PLB1: variants seen among roughly 807,000 people sequenced by gnomAD.
The protein encoded by PLB1 is phospholipase B1, membrane-associated.
PLB1 carries 242 observed loss-of-function variants against 227.4 expected under a neutral mutation model. The ratio of observed to expected loss-of-function variants is 1.06; its 90% CI spans 0.96 to 1.18. The LOEUF (loss-of-function observed/expected upper bound fraction) is 1.18, where lower values mean the gene tolerates loss of function less well. Among genes scored for constraint, PLB1 ranks in the 50% most tolerant of loss-of-function variants. The pLI is 0.00. For missense variants in PLB1, 1,858 were observed against 1,816.3 expected (o/e 1.02, Z -0.42); for synonymous variants, 757 against 682.2 (o/e 1.11, Z -1.71).
chr2:28,552,819 A>G (rs1048991056), intron 16 of PLB1, 109 bp from the exon 17 acceptor site: 1 of 862,044 alleles, frequency 1.2e-6, no homozygotes, highest in African/African-American at 1.7e-5. Context: ...ATGACATCAA[A>G]GTTTTACTTT....
Position 28,496,076 on chromosome 2 carries a change from A to G in PLB1, c.-39A>G, listed in dbSNP as rs754970063. 6.3e-7 allele frequency: 1 copy of G among 1,599,320 alleles called. No homozygotes were observed. Among genetic ancestry groups the G allele is most frequent in the South Asian group, 1.1e-5 (1 of 90,800 alleles). On this transcript the variant is annotated 5_prime_UTR_variant, in exon 1 of 58. Coordinates refer to ENST00000327757, the MANE Select transcript of PLB1 (RefSeq NM_153021.5). ...TGATAGCCCATCCATCTGCTGGAGCAGCTCTTCCAGAGGCCCGAGTCACCT... is the reference window on the plus strand; with the variant it reads ...TGATAGCCCATCCATCTGCTGGAGCGGCTCTTCCAGAGGCCCGAGTCACCT...
chr2:28,612,019 G>T (rs1685524114), intron 43 of PLB1, among the ~76,000 whole-genome samples: 1 of 152,124 alleles, frequency 6.6e-6, no homozygotes. Flanking sequence ...GGTGGCAGGT[G>T]CCTGTAGTCC....
rs775014811 is a variant in PLB1 at position 28,579,655 on chromosome 2, T to C, written c.1514T>C (p.Ile505Thr). 12 of 1,613,356 alleles carry C rather than the reference T, an allele frequency of 7.4e-6. No individual in the cohort carries two copies. Among genetic ancestry groups the C allele is most frequent in the East Asian group, 6.7e-5 (3 of 44,868 alleles). ...ATACACTTTCAGGAAGACTGGAAGA[T>C]AATAACCCTGTTTATAGGCGGCAAT... is the stretch of plus-strand genomic sequence containing the variant. The part of the protein sequence containing the change: ...TRIHFQEDWK[I>T]ITLFIGGNDL... Residue 505 changes from isoleucine (I) to threonine (T), a missense_variant, in exon 23 of 58, where the codon ATA becomes ACA. Transcript: ENST00000327757.
intron 1 of PLB1, among the ~76,000 whole-genome samples, chr2:28,499,950 A>G (rs1666898262): frequency 6.6e-6 from 1 of 152,116 alleles, no homozygotes; most frequent in East Asian, 1.9e-4. Flanking sequence ...CTTTTTTTGT[A>G]GATAAGCTCT....
intron 43 of PLB1, 27 bp downstream of exon 43, chr2:28,606,594 C>G (rs1468883741): frequency 6.2e-7 from 1 of 1,605,474 alleles, no homozygotes; most frequent in Non-Finnish European, 8.5e-7. Context: ...TGCCTGGCTC[C>G]TCTCCACAAA....
Position 28,626,480 on chromosome 2 carries a change from A to G in PLB1, c.3632A>G (p.Asn1211Ser). ...CTGGTCACACTCTTCATTGGGGTCAACGACTTGTGTCATTACTGTGAGAAT... is the reference window on the plus strand; with the variant it reads ...CTGGTCACACTCTTCATTGGGGTCAGCGACTTGTGTCATTACTGTGAGAAT... Reference protein sequence around the residue: ...WKLVTLFIGVNDLCHYCENPE... With the variant: ...WKLVTLFIGVSDLCHYCENPE... Residue 1211 changes from asparagine to serine, a missense_variant, in exon 51 of 58, where the codon AAC becomes AGC. Asn to Ser is a conservative substitution (Grantham distance 46). Coordinates refer to ENST00000327757, the MANE Select transcript of PLB1 (RefSeq NM_153021.5). The G allele has an allele frequency of 6.2e-7, 1 of 1,614,182 alleles. No individual in the cohort carries two copies. Among genetic ancestry groups the G allele is most frequent in the South Asian group, 1.1e-5 (1 of 91,088 alleles).
At chr2:28,579,520 C>G (rs1053628071) in intron 22 of PLB1, 107 bp from the exon 23 acceptor site, 80 of 800,160 alleles carry the variant, frequency 1.0e-4, no homozygotes, top group Non-Finnish European at 1.2e-4. Context: ...GTCCATGAGA[C>G]ACTCTGGTGT....
chr2:28,642,862 G>A lies in PLB1; in HGVS notation c.4178G>A (p.Ser1393Asn), dbSNP rs1007999054. 1.9e-6 allele frequency: 3 copies of A among 1,596,178 alleles called. No individual in the cohort carries two copies. The highest frequency in any genetic ancestry group is 2.6e-6 in the Non-Finnish European group (3 of 1,170,414). The change falls in exon 58 of 58, where the codon AGC becomes AAC. Residue 1393 changes from serine (S) to asparagine (N), a missense_variant. Ser to Asn is a conservative substitution (Grantham distance 46). Coordinates refer to ENST00000327757, the MANE Select transcript of PLB1 (RefSeq NM_153021.5). ...ACCCCCGCTCCTCCTCCACAGGAGA[G>A]CCCTTACCTCTACACCCTGCGGAAC... ...RAKLKCPSPE[S>N]PYLYTLRNSR...
At chr2:28,609,608 T>C (rs1685157089) in intron 43 of PLB1, among the ~76,000 whole-genome samples, 1 of 152,210 alleles carries the variant, frequency 6.6e-6, no homozygotes, top group Admixed American at 6.5e-5. Context: ...TCAGAGCTTC[T>C]AAATCCAATC....
intron 57 of PLB1, among the ~76,000 whole-genome samples, chr2:28,641,374 G>A (rs1368831537): frequency 6.6e-5 from 10 of 152,200 alleles, no homozygotes; most frequent in Non-Finnish European, 8.8e-5. Context: ...TTGGGAGGCC[G>A]AGGCGGTCAG....
intron 14 of PLB1, 196 bp from the exon 15 acceptor site, chr2:28,548,664 G>A (rs1558730307): frequency 1.5e-6 from 1 of 645,386 alleles, no homozygotes. Context: ...ATCGCCTGGA[G>A]AGCTGCTTAC....
chr2:28,553,564 G>T (rs1674565142), intron 17 of PLB1, among the ~76,000 whole-genome samples: 1 of 152,212 alleles, frequency 6.6e-6, no homozygotes, highest in Non-Finnish European at 1.5e-5. Context: ...TTGCCTCCAG[G>T]CAAGGTAGCC....
At chr2:28,607,924 C>T (rs1178992504) in intron 43 of PLB1, among the ~76,000 whole-genome samples, 2 of 152,160 alleles carry the variant, frequency 1.3e-5, no homozygotes, top group Admixed American at 6.5e-5. Flanking sequence ...TTTCAACAAA[C>T]GTGTATTGAG....
At chr2:28,540,280 T>C in intron 11 of PLB1, 86 bp from the exon 12 acceptor site, 3 of 1,105,356 alleles carry the variant, frequency 2.7e-6, no homozygotes, top group Non-Finnish European at 4.1e-6. Context: ...CTATGCCCCT[T>C]CTTCCATAAG....
At chr2:28,621,209 G>A (rs1558936907) in intron 49 of PLB1, among the ~76,000 whole-genome samples, 1 of 152,138 alleles carries the variant, frequency 6.6e-6, no homozygotes, top group Non-Finnish European at 1.5e-5. Flanking sequence ...ATCAGAGGAG[G>A]CAGGATCAGA....
chr2:28,572,980 C>A (rs993586872), intron 20 of PLB1, among the ~76,000 whole-genome samples: 1 of 152,200 alleles, frequency 6.6e-6, no homozygotes, highest in Non-Finnish European at 1.5e-5. Context: ...CCCAGACTCA[C>A]ATTTCTTCAA....
Position 28,589,788 on chromosome 2 carries a change from GA to G in PLB1, c.2016+22del. 1 of 1,602,770 alleles carries G rather than the reference GA, an allele frequency of 6.2e-7. No homozygotes were observed. ...ACAATATGGTAAGTGGCTGCGGTAG[GA>G]AAATGCATCCTCCCTCTGGTAAGAA... On this transcript the variant is annotated intron_variant, in intron 28 of 57. Coordinates refer to ENST00000327757, the MANE Select transcript of PLB1 (RefSeq NM_153021.5).
intron 35 of PLB1, 23 bp from the exon 36 acceptor site, chr2:28,600,786 G>T (rs1183539579): frequency 1.2e-6 from 2 of 1,611,712 alleles, no homozygotes; most frequent in African/African-American, 1.3e-5. Context: ...TCAACAGAAG[G>T]ATGGGTTTTC....
At chr2:28,573,495 C>T (rs747621352) in intron 21 of PLB1, among the ~76,000 whole-genome samples, 190 bp downstream of exon 21, 8 of 152,220 alleles carry the variant, frequency 5.3e-5, no homozygotes, top group Non-Finnish European at 1.0e-4. Context: ...ACACCCACCC[C>T]CAGAAACTAG....
Sources: allele counts gnomAD v4.1 joint callset (sites outside exome capture counted in the v4.1 genomes callset), GRCh38; gene constraint gnomAD v4.1.1; transcripts MANE v1.5; gene names NCBI Gene and HGNC (gene_info 2026-07-23, HGNC 2026-07-21).